STXBP5L: variants seen among roughly 807,000 people sequenced by gnomAD.
STXBP5L encodes syntaxin-binding protein 5-like.
STXBP5L carries 65 observed loss-of-function variants against 144.5 expected under a neutral mutation model. The ratio of observed to expected loss-of-function variants is 0.45; its 90% CI spans 0.37 to 0.55. STXBP5L has a LOEUF of 0.55. Ranked by LOEUF, STXBP5L falls within the 20% of genes least tolerant of loss-of-function variation. STXBP5L has a pLI of 0.00. For synonymous variants in STXBP5L, 505 were observed against 469.6 expected, an observed-to-expected ratio of 1.08 and a Z score of -0.97; for missense variants, 1,298 against 1,405.5, an observed-to-expected ratio of 0.92 and a Z score of 1.22.
intron 9 of STXBP5L, among the ~76,000 whole-genome samples, chr3:121,186,440 T>C (rs1402010782): frequency 6.6e-6 from 1 of 152,176 alleles, no homozygotes; most frequent in Non-Finnish European, 1.5e-5. Flanking sequence ...TTGTCTTAGG[T>C]AGCTCTGATT....
At chr3:121,003,313 T>C (rs1402475740) in intron 3 of STXBP5L, among the ~76,000 whole-genome samples, 1 of 149,752 alleles carries the variant, frequency 6.7e-6, no homozygotes, top group Non-Finnish European at 1.5e-5. Context: ...CCAGTGATGA[T>C]GAGCATTTTT....
chr3:121,256,178 G>T (rs1356006396), intron 16 of STXBP5L, among the ~76,000 whole-genome samples: 1 of 151,926 alleles, frequency 6.6e-6, no homozygotes, highest in Non-Finnish European at 1.5e-5. Flanking sequence ...AATTTCATAG[G>T]GTTCTTGTGA....
In STXBP5L at chr3:121,257,297, G is replaced by A. The variant is rs761536221; in HGVS notation, c.1796G>A (p.Ser599Asn). Residue 599 changes from serine (S) to asparagine (N), a missense_variant, in exon 17 of 27, where the codon AGT becomes AAT. Ser to Asn is a conservative substitution (Grantham distance 46). Transcript: ENST00000471454. ...SLSGSTNTVA[S>N]EGVTKDSIPC... ...TCTGGGAGCACTAACACTGTTGCTA[G>A]TGAAGGAGTAACAAAGGACAGTATT... The A allele has an allele frequency of 9.3e-6, 15 of 1,613,296 alleles. No homozygotes were observed. Among genetic ancestry groups the A allele is most frequent in the Non-Finnish European group, 1.3e-5 (15 of 1,179,572 alleles).
chr3:121,138,130 A>C (rs1269632553), intron 7 of STXBP5L, among the ~76,000 whole-genome samples: 1 of 152,154 alleles, frequency 6.6e-6, no homozygotes, highest in Admixed American at 6.6e-5. Flanking sequence ...ATATGCTAAT[A>C]GTAAATTATT....
intron 5 of STXBP5L, among the ~76,000 whole-genome samples, chr3:121,053,209 C>A (rs1462803045): frequency 1.3e-5 from 2 of 152,122 alleles, no homozygotes; most frequent in Non-Finnish European, 2.9e-5. Context: ...ATCAAACTAC[C>A]AATGGCTTTC....
intron 18 of STXBP5L, among the ~76,000 whole-genome samples, chr3:121,262,291 A>C (rs1257411275): frequency 6.6e-6 from 1 of 152,226 alleles, no homozygotes; most frequent in Admixed American, 6.5e-5. Flanking sequence ...AAGTCTTAAA[A>C]CATTTTAGCA....
At chr3:121,062,308 G>A (rs551065800) in intron 5 of STXBP5L, among the ~76,000 whole-genome samples, 55 of 152,282 alleles carry the variant, frequency 3.6e-4, no homozygotes, top group African/African-American at 1.3e-3. Context: ...TAAAAATGTT[G>A]AATATTTTCC....
intron 3 of STXBP5L, among the ~76,000 whole-genome samples, chr3:121,025,047 C>G (rs1053072649): frequency 6.6e-6 from 1 of 152,070 alleles, no homozygotes; most frequent in African/African-American, 2.4e-5. Flanking sequence ...AAGCAAGGCA[C>G]TAAATCACCT....
chr3:121,157,363 G>A (rs1378514549), intron 8 of STXBP5L, 141 bp from the exon 9 acceptor site: 4 of 859,396 alleles, frequency 4.7e-6, no homozygotes, highest in Non-Finnish European at 6.5e-6. Context: ...ATTATAGTCT[G>A]ATATGGGTCA....
chr3:121,021,000 C>G (rs1446005034), intron 3 of STXBP5L, among the ~76,000 whole-genome samples: 1 of 151,986 alleles, frequency 6.6e-6, no homozygotes, highest in South Asian at 2.1e-4. Flanking sequence ...ATTTACCAAC[C>G]AAGTATCTGC....
In STXBP5L at chr3:121,197,735, A is replaced by G. The variant is rs1401235409; in HGVS notation, c.878-8188A>G. On this transcript the variant is annotated intron_variant, in intron 9 of 26. Coordinates refer to ENST00000471454, the MANE Select transcript of STXBP5L (RefSeq NM_001308330.2). Reference sequence around the variant, plus strand: ...TGTTCTCATTGTCCAACTCCCAATTATGAGTGAGAGTTTGGTTTTCTGTTC... The same window carrying G: ...TGTTCTCATTGTCCAACTCCCAATTGTGAGTGAGAGTTTGGTTTTCTGTTC... 1.3e-5 allele frequency among the ~76,000 whole-genome samples: 2 copies of G among 151,980 alleles called. 1 individual carries two copies. The highest frequency in any genetic ancestry group is 2.9e-5 in the Non-Finnish European group (2 of 68,016).
intron 20 of STXBP5L, among the ~76,000 whole-genome samples, chr3:121,362,347 G>T (rs1408774621): frequency 6.6e-6 from 1 of 152,188 alleles, no homozygotes; most frequent in Admixed American, 6.5e-5. Flanking sequence ...AGCAAAGCCA[G>T]CCAGGCTTGT....
intron 14 of STXBP5L, among the ~76,000 whole-genome samples, chr3:121,249,732 A>G (rs1405124563): frequency 6.6e-6 from 1 of 152,076 alleles, no homozygotes; most frequent in Non-Finnish European, 1.5e-5. Flanking sequence ...GTTGAATAAG[A>G]ATGGTGAGAG....
intron 2 of STXBP5L, among the ~76,000 whole-genome samples, chr3:120,929,730 C>T (rs181732633): frequency 1.3e-5 from 2 of 152,152 alleles, no homozygotes; most frequent in East Asian, 1.9e-4. Flanking sequence ...TAGTATATAA[C>T]TGTCAGTTCA....
Position 121,188,003 on chromosome 3 carries a change from G to T in STXBP5L, c.878-17920G>T, listed in dbSNP as rs112193753. The stretch of plus-strand genomic sequence containing the variant: ...AGAGCTAACTATCTTAAATATATAT[G>T]CACCGAATGCAGGAGCACCCGGATT... On this transcript the variant is annotated intron_variant, in intron 9 of 26. Coordinates refer to ENST00000471454, the MANE Select transcript of STXBP5L (RefSeq NM_001308330.2). Among the ~76,000 whole-genome samples the T allele has an allele frequency of 2.5e-3, 381 of 152,190 alleles. 2 individuals are homozygous for T. The highest frequency in any genetic ancestry group is 8.6e-3 in the African/African-American group (358 of 41,542).
chr3:120,990,743 T>G (rs1048766519), intron 3 of STXBP5L, among the ~76,000 whole-genome samples: 4 of 152,202 alleles, frequency 2.6e-5, no homozygotes, highest in African/African-American at 7.2e-5. Context: ...GATTCCTTAT[T>G]TAATAGATGA....
intron 7 of STXBP5L, among the ~76,000 whole-genome samples, chr3:121,130,975 AAC>A (rs1176167416): frequency 2.0e-5 from 3 of 152,078 alleles, no homozygotes; most frequent in Non-Finnish European, 2.9e-5. Context: ...TCTAATATGA[AAC>A]ACAGAAAGCT....
chr3:121,167,013 A>C (rs1045925620), intron 9 of STXBP5L, among the ~76,000 whole-genome samples: 1 of 152,182 alleles, frequency 6.6e-6, no homozygotes, highest in African/African-American at 2.4e-5. Flanking sequence ...GGAGCCTAAA[A>C]ATATGCCAGA....
intron 3 of STXBP5L, among the ~76,000 whole-genome samples, chr3:120,961,299 A>C (rs1275714962): frequency 6.7e-6 from 1 of 148,716 alleles, no homozygotes; most frequent in Non-Finnish European, 1.5e-5. Context: ...TTATACTTTA[A>C]GTTCTAGGGT....
Sources: allele counts gnomAD v4.1 joint callset (sites outside exome capture counted in the v4.1 genomes callset), GRCh38; gene constraint gnomAD v4.1.1; transcripts MANE v1.5; gene names NCBI Gene and HGNC (gene_info 2026-07-23, HGNC 2026-07-21).